The following GLT1D1 variants were observed in gnomAD, a reference collection of about 807,000 sequenced individuals.
The protein encoded by GLT1D1 is glycosyltransferase 1 domain containing 1, also known as glycosyltransferase 1 domain-containing protein 1.
GLT1D1 carries 21 observed loss-of-function variants against 28.7 expected under a neutral mutation model. That is an observed-to-expected ratio of 0.73 (90% CI 0.52 to 1.05). GLT1D1 has a LOEUF of 1.05. Ranked by LOEUF, GLT1D1 falls within the 50% of genes least tolerant of loss-of-function variation. The pLI, the probability that GLT1D1 is intolerant of heterozygous loss-of-function variation, is 0.00. For synonymous variants in GLT1D1, 147 were observed against 124.8 expected, an observed-to-expected ratio of 1.18 and a Z score of -1.19; for missense variants, 343 against 330.6, an observed-to-expected ratio of 1.04 and a Z score of -0.29.
chr12:128,908,755 T>C (rs559342192), intron 4 of GLT1D1, among the ~76,000 whole-genome samples: 2,224 of 151,896 alleles, frequency 0.015, 43 homozygotes, highest in African/African-American at 0.049. Context: ...CGAGACCATC[T>C]TGGCTAACAC....
At chr12:128,904,402 A>G (rs1593109629) in intron 4 of GLT1D1, among the ~76,000 whole-genome samples, 1 of 151,904 alleles carries the variant, frequency 6.6e-6, no homozygotes, top group South Asian at 2.1e-4. Flanking sequence ...ATTTTTATCA[A>G]TACAGTTTGG....
intron 4 of GLT1D1, 149 bp downstream of exon 7, chr12:128,926,603 C>T: frequency 1.8e-6 from 1 of 543,074 alleles, no homozygotes; most frequent in Non-Finnish European, 3.3e-6. Flanking sequence ...TGGAAAAGAA[C>T]AGAAAAATAA....
At chr12:128,955,058 C>G (rs1225946441) in intron 6 of GLT1D1, among the ~76,000 whole-genome samples, 1 of 152,160 alleles carries the variant, frequency 6.6e-6, no homozygotes, top group African/African-American at 2.4e-5. Context: ...TCAGGGGAAA[C>G]AGTCAAACAG....
rs188896106 is a variant in GLT1D1, at chr12:128,954,084, G to A, written c.541-3461G>A. On this transcript the variant is annotated intron_variant, in intron 6 of 7. Coordinates refer to ENST00000281703, the MANE Select transcript of GLT1D1 (RefSeq NM_144669.3). ...ATATAATTTTACTTTACTTTATCTC[G>A]AGATCTGGTCCTAAGGTCACCTGTT... 3.9e-3 allele frequency among the ~76,000 whole-genome samples: 596 copies of A among 150,940 alleles called. 8 individuals are homozygous for A. Among genetic ancestry groups the A allele is most frequent in the African/African-American group, 0.013 (544 of 41,096 alleles).
At chr12:128,908,476 TTTC>T (rs1871175624) in intron 4 of GLT1D1, among the ~76,000 whole-genome samples, 1 of 151,510 alleles carries the variant, frequency 6.6e-6, no homozygotes, top group Admixed American at 6.6e-5. Flanking sequence ...TCTTTCCTTC[TTTC>T]TTTTTTTCTT....
chr12:128,960,216 T>A (rs1877794308), intron 7 of GLT1D1, among the ~76,000 whole-genome samples: 2 of 152,184 alleles, frequency 1.3e-5, no homozygotes, highest in Non-Finnish European at 2.9e-5. Flanking sequence ...TCTGGTTTTA[T>A]GTTGGGGGAG....
At chr12:128,944,361 G>T in intron 4 of GLT1D1, 1 of 875,314 alleles carries the variant, frequency 1.1e-6, no homozygotes, top group Non-Finnish European at 1.9e-6. Flanking sequence ...TTTCTGTTCT[G>T]GAGAATGTTT....
intron 7 of GLT1D1, among the ~76,000 whole-genome samples, chr12:128,971,437 CCTCCCTTCCTCT>C (rs146606139): frequency 0.055 from 7,354 of 134,744 alleles, 332 homozygotes; most frequent in East Asian, 0.12. Flanking sequence ...TCTCCTCCTC[CCTCCCTTCCTCT>C]CTCCCTCCAT....
chr12:128,942,858 C>T (rs1215565824), intron 4 of GLT1D1, among the ~76,000 whole-genome samples: 1 of 150,926 alleles, frequency 6.6e-6, no homozygotes, highest in African/African-American at 2.4e-5. Flanking sequence ...TCAAGTGATT[C>T]CCCTGCCTCA....
intron 4 of GLT1D1, among the ~76,000 whole-genome samples, chr12:128,908,878 G>C (rs981734766): frequency 1.3e-5 from 2 of 152,176 alleles, no homozygotes; most frequent in Non-Finnish European, 2.9e-5. Context: ...GAACCCGGGA[G>C]GCAGAGCTTG....
intron 4 of GLT1D1, among the ~76,000 whole-genome samples, chr12:128,903,979 T>C (rs967722280): frequency 2.0e-5 from 3 of 151,880 alleles, no homozygotes; most frequent in Non-Finnish European, 4.4e-5. Context: ...TCCGCCCGCC[T>C]TGGCCTCCCA....
At chr12:128,882,486 A>C (rs1273177743) in intron 2 of GLT1D1, among the ~76,000 whole-genome samples, 1 of 152,054 alleles carries the variant, frequency 6.6e-6, no homozygotes, top group Non-Finnish European at 1.5e-5. Context: ...TATGTTGGCG[A>C]GGCTAGTCTC....
chr12:128,968,406 CACG>C (rs1335058909), intron 7 of GLT1D1, among the ~76,000 whole-genome samples: 2 of 151,818 alleles, frequency 1.3e-5, no homozygotes, highest in African/African-American at 4.8e-5. Flanking sequence ...CACAGTGGCT[CACG>C]CCTGTCATCC....
At chr12:128,854,951 A>T (rs1244199589) in intron 1 of GLT1D1, among the ~76,000 whole-genome samples, 1 of 152,146 alleles carries the variant, frequency 6.6e-6, no homozygotes, top group African/African-American at 2.4e-5. Flanking sequence ...TTCATGGTGC[A>T]GGTTTCTATT....
In GLT1D1 at chr12:128,875,946, T is replaced by G. The variant is rs774407847; in HGVS notation, c.101T>G (p.Val34Gly). 1 of 1,614,142 alleles carries G rather than the reference T, an allele frequency of 6.2e-7. No individual in the cohort carries two copies. Among genetic ancestry groups the G allele is most frequent in the South Asian group, 1.1e-5 (1 of 91,078 alleles). The change falls in exon 2 of 8, where the codon GTT becomes GGT. Residue 34 changes from valine (V) to glycine (G), a missense_variant. Val to Gly is a moderately radical substitution (Grantham distance 109). Coordinates refer to ENST00000281703, the MANE Select transcript of GLT1D1 (RefSeq NM_144669.3). ...CTAGAGGCTGCAGGGCACGTGTGCG[T>G]TTTGAAGGATGCCTTTGACTTTGAA...
chr12:128,967,372 C>A (rs186569517), intron 7 of GLT1D1, among the ~76,000 whole-genome samples: 1 of 152,334 alleles, frequency 6.6e-6, no homozygotes, highest in East Asian at 1.9e-4. Context: ...GGCAGGGCTG[C>A]GCTGAGATCT....
intron 7 of GLT1D1, among the ~76,000 whole-genome samples, chr12:128,966,536 G>A (rs2135532031): frequency 6.6e-6 from 1 of 152,322 alleles, no homozygotes; most frequent in East Asian, 1.9e-4. Context: ...CAGACTGTTA[G>A]ATCCAGGAGA....
chr12:128,942,756 G>GTT (rs61514615), intron 4 of GLT1D1, among the ~76,000 whole-genome samples: 2 of 124,930 alleles, frequency 1.6e-5, no homozygotes, highest in African/African-American at 6.8e-5. Flanking sequence ...TTTGTTTTTT[G>GTT]TTTTTTTTTT....
At chr12:128,857,006 G>T (rs1566076422) in intron 1 of GLT1D1, among the ~76,000 whole-genome samples, 1 of 152,134 alleles carries the variant, frequency 6.6e-6, no homozygotes, top group Non-Finnish European at 1.5e-5. Flanking sequence ...AGTGACCGAA[G>T]AACCTGAACG....
Sources: gnomAD v4.1 joint callset for allele counts (sites outside exome capture counted in the v4.1 genomes callset) on GRCh38, gnomAD v4.1.1 for gene constraint, MANE v1.5 for transcripts, NCBI Gene and HGNC (gene_info 2026-07-23, HGNC 2026-07-21) for gene names.